PATJ: variants seen among roughly 807,000 people sequenced by gnomAD.
PATJ encodes PATJ crumbs cell polarity complex component, also known as inaD-like protein.
In PATJ, 190 loss-of-function variants were observed where a neutral mutation model predicts 224.9. The observed-to-expected ratio is 0.84, with a 90% confidence interval of 0.75 to 0.95. PATJ has a LOEUF of 0.95. Among genes scored for constraint, PATJ ranks in the 40% least tolerant of loss-of-function variants. The pLI is 0.00. For synonymous variants in PATJ, 769 were observed against 820.3 expected, an observed-to-expected ratio of 0.94 and a Z score of 1.07; for missense variants, 2,121 against 2,270.3, an observed-to-expected ratio of 0.93 and a Z score of 1.34.
Position 61,795,567 on chromosome 1 carries a change from C to A in PATJ, c.1260+9C>A. ...ATGACAAAATAGTTGCTGTAAGTAA[C>A]TCGCCTCTGTTTTAGGTTTGATTCT... On this transcript the variant is annotated intron_variant, in intron 10 of 43. Coordinates refer to ENST00000642238, the MANE Select transcript of PATJ (RefSeq NM_001350145.3). The A allele has an allele frequency of 6.4e-7, 1 of 1,569,330 alleles. No homozygotes were observed. Among genetic ancestry groups the A allele is most frequent in the Non-Finnish European group, 8.8e-7 (1 of 1,141,050 alleles).
At chr1:61,885,445 A>G (rs1443539663) in intron 22 of PATJ, among the ~76,000 whole-genome samples, 6 of 152,236 alleles carry the variant, frequency 3.9e-5, no homozygotes, top group Non-Finnish European at 5.9e-5. Flanking sequence ...ATCACTGGCC[A>G]TCAGAGAAAT....
At chr1:61,936,232 A>G (rs185856173) in intron 27 of PATJ, among the ~76,000 whole-genome samples, 1,973 of 139,202 alleles carry the variant, frequency 0.014, 25 homozygotes, top group Non-Finnish European at 0.021. Context: ...TAAAATATAT[A>G]TACATATATA....
chr1:61,790,144 C>G (rs2148500656), intron 8 of PATJ, among the ~76,000 whole-genome samples: 1 of 138,054 alleles, frequency 7.2e-6, no homozygotes, highest in Middle Eastern at 4.0e-3. Context: ...TTTGAGGTTG[C>G]AATAAGCTGT....
At chr1:61,886,512 C>T (rs2149087067) in intron 22 of PATJ, among the ~76,000 whole-genome samples, 2 of 152,152 alleles carry the variant, frequency 1.3e-5, no homozygotes, top group South Asian at 4.1e-4. Flanking sequence ...AAAGAGCTGA[C>T]TAGTGTTTTG....
At chr1:61,871,502 C>CACATATATATGT (rs1666555384) in intron 20 of PATJ, among the ~76,000 whole-genome samples, 2 of 27,706 alleles carry the variant, frequency 7.2e-5, no homozygotes, top group Non-Finnish European at 1.8e-4. Context: ...TGTATATATA[C>CACATATATATGT]ATATATACGC....
intron 27 of PATJ, among the ~76,000 whole-genome samples, chr1:61,981,539 A>G (rs1167611019): frequency 1.3e-5 from 2 of 152,074 alleles, no homozygotes; most frequent in African/African-American, 4.8e-5. Flanking sequence ...GAGCCTTCAG[A>G]AAGAAAGACC....
intron 27 of PATJ, among the ~76,000 whole-genome samples, chr1:61,983,340 G>A (rs188040597): frequency 7.1e-6 from 1 of 141,826 alleles, no homozygotes; most frequent in East Asian, 2.4e-4. Flanking sequence ...TCTGTTTTAT[G>A]AGGCACTGAA....
At chr1:61,948,959 C>T (rs952486036) in intron 27 of PATJ, among the ~76,000 whole-genome samples, 1 of 151,530 alleles carries the variant, frequency 6.6e-6, no homozygotes, top group Admixed American at 6.6e-5. Context: ...CAAACTATCA[C>T]AAGGACAGAA....
chr1:61,958,382 G>T (rs1680730250), intron 27 of PATJ, among the ~76,000 whole-genome samples: 1 of 152,054 alleles, frequency 6.6e-6, no homozygotes, highest in African/African-American at 2.4e-5. Context: ...TCTGGCAAAT[G>T]GTAGTGGCAA....
intron 14 of PATJ, among the ~76,000 whole-genome samples, chr1:61,818,087 A>G (rs1656518576): frequency 6.6e-6 from 1 of 152,114 alleles, no homozygotes; most frequent in Non-Finnish European, 1.5e-5. Flanking sequence ...ATATCCTGTT[A>G]TAGTATCCTA....
In PATJ at chr1:61,864,661, C is replaced by T. The variant is rs776218769; in HGVS notation, c.2835+28C>T. The stretch of plus-strand genomic sequence containing the variant: ...AAGAGATTAGAATAGATATTCCACA[C>T]CTCCCCTTCTGCTCTCCTCGCCTGT... On this transcript the variant is annotated intron_variant, in intron 20 of 43. Transcript: ENST00000642238. 3.9e-6 allele frequency: 6 copies of T among 1,554,610 alleles called. No homozygotes were observed. The East Asian group carries it at 1.1e-4, about 29-fold the overall frequency.
intron 29 of PATJ, among the ~76,000 whole-genome samples, chr1:62,028,239 C>A (rs1648415333): frequency 1.3e-5 from 2 of 152,084 alleles, no homozygotes; most frequent in African/African-American, 4.8e-5. Flanking sequence ...GTTGCTCAGG[C>A]TGGAGAGTAG....
At chr1:61,928,369 G>A (rs1259747501) in intron 27 of PATJ, among the ~76,000 whole-genome samples, 3 of 152,070 alleles carry the variant, frequency 2.0e-5, no homozygotes, top group African/African-American at 7.2e-5. Flanking sequence ...GTATACTATT[G>A]CTAATGTATA....
chr1:62,150,938 T>C (rs939380912), intron 42 of PATJ, among the ~76,000 whole-genome samples: 2 of 147,846 alleles, frequency 1.4e-5, no homozygotes, highest in Non-Finnish European at 3.0e-5. Flanking sequence ...AGGTCAGGAG[T>C]TCAAGACCAG....
chr1:62,157,010 G>C (rs1409653531), intron 43 of PATJ, among the ~76,000 whole-genome samples: 1 of 151,570 alleles, frequency 6.6e-6, no homozygotes, highest in South Asian at 2.1e-4. Flanking sequence ...GTGTAACTCA[G>C]TATCAGAATT....
intron 27 of PATJ, among the ~76,000 whole-genome samples, chr1:61,961,978 AAAAAAAAG>A (rs968465636): frequency 1.1e-4 from 16 of 151,226 alleles, no homozygotes; most frequent in East Asian, 9.7e-4. Context: ...TTAGAAAAAA[AAAAAAAAG>A]AAAGAAAAGA....
Position 61,856,210 on chromosome 1 carries a change from G to T in PATJ, c.2293G>T (p.Val765Leu), listed in dbSNP as rs767948643. ...ATTGAAAGCTGTGCCACCAGGCCTA[G>T]TACACCTTGGCATCTGTAAGCCTTT... is the stretch of plus-strand genomic sequence containing the variant. ...EILKAVPPGL[V>L]HLGICKPLVE... Residue 765 changes from valine (V) to leucine (L), a missense_variant, in exon 18 of 44, where the codon GTA becomes TTA. Val to Leu is a conservative substitution (Grantham distance 32). Transcript: ENST00000642238. 8.7e-6 allele frequency: 14 copies of T among 1,614,122 alleles called. No individual in the cohort carries two copies. The East Asian group carries it at 3.1e-4, about 36-fold the overall frequency.
intron 33 of PATJ, among the ~76,000 whole-genome samples, chr1:62,107,134 G>A (rs148175994): frequency 0.021 from 3,154 of 151,930 alleles, 116 homozygotes; most frequent in African/African-American, 0.072. Context: ...GTGAAACCCC[G>A]TCTCTACTAA....
At chr1:61,780,593 T>C (rs1647196072) in intron 7 of PATJ, among the ~76,000 whole-genome samples, 1 of 152,226 alleles carries the variant, frequency 6.6e-6, no homozygotes, top group African/African-American at 2.4e-5. Context: ...ATGCCTTTCT[T>C]TGTATTCCCT....
Sources: gnomAD v4.1 joint callset for allele counts (sites outside exome capture counted in the v4.1 genomes callset) on GRCh38, gnomAD v4.1.1 for gene constraint, MANE v1.5 for transcripts, NCBI Gene and HGNC (gene_info 2026-07-23, HGNC 2026-07-21) for gene names.